Variants in CFAP68 observed in about 807,000 individuals in gnomAD.
CFAP68 encodes cilia- and flagella-associated protein 68.
chr11:111,882,799 A>G, the CFAP68 span, among the ~76,000 whole-genome samples: 2 of 152,178 alleles, frequency 1.3e-5, no homozygotes, highest in African/African-American at 4.8e-5. Flanking sequence ...TATTATCTGT[A>G]AGGTTTCAAA....
At chr11:111,880,147 G>A in the CFAP68 span, among the ~76,000 whole-genome samples, 2 of 152,258 alleles carry the variant, frequency 1.3e-5, no homozygotes, top group East Asian at 3.9e-4. Context: ...TAGGTTGCAG[G>A]TTTGCTACAT....
chr11:111,885,820 T>C, the CFAP68 span: 5 of 152,306 alleles, frequency 3.3e-5, no homozygotes, highest in African/African-American at 4.8e-5. Flanking sequence ...TTTCGAGATA[T>C]AGATCCAGAA....
chr11:111,882,300 G>T, the CFAP68 span: 1 of 1,343,970 alleles, frequency 7.4e-7, no homozygotes, highest in Admixed American at 1.9e-5. Flanking sequence ...TAAAACAAGG[G>T]CAGGAAAAGA....
the CFAP68 span, chr11:111,885,092 A>C: frequency 6.6e-6 from 1 of 151,646 alleles, no homozygotes; most frequent in East Asian, 1.9e-4. Context: ...CAGAGGTTGC[A>C]GTGAGCTGAG....
the CFAP68 span, chr11:111,883,908 G>T: frequency 7.0e-7 from 1 of 1,438,270 alleles, no homozygotes; most frequent in Non-Finnish European, 9.7e-7. Context: ...ATGTGTATAA[G>T]ATCTTAATAT....
At chr11:111,883,051 G>T in the CFAP68 span, 2 of 1,002,994 alleles carry the variant, frequency 2.0e-6, no homozygotes, top group East Asian at 2.6e-5. Context: ...ATGACAGTCC[G>T]TGAGAATTCA....
chr11:111,883,792 G>C, the CFAP68 span: 1 of 1,612,696 alleles, frequency 6.2e-7, no homozygotes. Context: ...GAGCCTCACT[G>C]GTTCCCAGGA....
At chr11:111,879,948 A>T in the CFAP68 span, among the ~76,000 whole-genome samples, 2 of 152,222 alleles carry the variant, frequency 1.3e-5, no homozygotes, top group South Asian at 4.1e-4. Context: ...TATATGCAAA[A>T]GCTTGATGGA....
the CFAP68 span, chr11:111,882,458 A>G: frequency 1.2e-6 from 2 of 1,614,202 alleles, no homozygotes; most frequent in South Asian, 2.2e-5. Context: ...AGATTGGAAT[A>G]ATATGTCCAA....
chr11:111,880,362 G>T, the CFAP68 span, among the ~76,000 whole-genome samples: 1 of 152,204 alleles, frequency 6.6e-6, no homozygotes, highest in African/African-American at 2.4e-5. Flanking sequence ...TAAGACCTGG[G>T]CTGCATTCCC....
the CFAP68 span, chr11:111,882,333 A>G: frequency 6.4e-7 from 1 of 1,563,096 alleles, no homozygotes; most frequent in Non-Finnish European, 8.8e-7. Flanking sequence ...TCTCTGGTTT[A>G]TGCAATAAGC....
the CFAP68 span, chr11:111,880,846 G>T: frequency 4.2e-5 from 19 of 454,614 alleles, no homozygotes; most frequent in South Asian, 2.7e-4. Flanking sequence ...CTGTTCTGTT[G>T]TAAGCCATTT....
chr11:111,884,762 C>G, the CFAP68 span: 1 of 152,100 alleles, frequency 6.6e-6, no homozygotes, highest in African/African-American at 2.4e-5. Flanking sequence ...GTATCATTAC[C>G]CAGCATCAAC....
the CFAP68 span, chr11:111,879,621 A>G: frequency 1.4e-5 from 23 of 1,609,798 alleles, no homozygotes; most frequent in Non-Finnish European, 1.9e-5. Flanking sequence ...TAAATCTCCT[A>G]TCTTCTATTC....
the CFAP68 span, among the ~76,000 whole-genome samples, chr11:111,880,531 A>G: frequency 6.6e-6 from 1 of 152,164 alleles, no homozygotes. Context: ...CCTCATTGCT[A>G]CACTCCCACC....
chr11:111,880,438 C>A, the CFAP68 span, among the ~76,000 whole-genome samples: 2 of 152,190 alleles, frequency 1.3e-5, no homozygotes, highest in East Asian at 3.9e-4. Flanking sequence ...TCATAAAGAC[C>A]TTGCTGATAA....
chr11:111,879,561 A>G, the CFAP68 span: 3 of 1,614,018 alleles, frequency 1.9e-6, no homozygotes, highest in Non-Finnish European at 2.5e-6. Flanking sequence ...CTCGTCTGAA[A>G]TGGCTGCCTC....
At chr11:111,884,064 AAC>A in the CFAP68 span, 1 of 497,970 alleles carries the variant, frequency 2.0e-6, no homozygotes, top group African/African-American at 2.0e-5. Context: ...TAAAGCAAAA[AAC>A]ACAGTAAATA....
the CFAP68 span, chr11:111,880,797 G>T: frequency 2.2e-6 from 1 of 456,256 alleles, no homozygotes; most frequent in Non-Finnish European, 4.4e-6. Context: ...TCTGGATCAG[G>T]ACCCCTTCCG....
Sources: gnomAD v4.1 joint callset for allele counts (sites outside exome capture counted in the v4.1 genomes callset) on GRCh38, gnomAD v4.1.1 for gene constraint, MANE v1.5 for transcripts, NCBI Gene and HGNC (gene_info 2026-07-23, HGNC 2026-07-21) for gene names.